Variants in SULF1 observed in about 807,000 individuals in gnomAD.
The protein encoded by SULF1 is extracellular sulfatase Sulf-1.
SULF1 carries 46 observed loss-of-function variants against 110.5 expected under a neutral mutation model. That is an observed-to-expected ratio of 0.42 (90% CI 0.33 to 0.53). The LOEUF (loss-of-function observed/expected upper bound fraction) is 0.53, where lower values mean the gene tolerates loss of function less well. Ranked by LOEUF, SULF1 falls within the 20% of genes least tolerant of loss-of-function variation. SULF1 has a pLI of 0.12. For missense variants in SULF1, 941 were observed against 1,094.2 expected (o/e 0.86, Z 1.98); for synonymous variants, 371 against 387.1 (o/e 0.96, Z 0.49).
intron 22 of SULF1, chr8:69,641,139 C>A: frequency 3.4e-6 from 1 of 297,710 alleles, no homozygotes; most frequent in Non-Finnish European, 6.2e-6. Flanking sequence ...AACAGAATGG[C>A]CTTTGGGAGC....
chr8:69,538,302 C>T (rs1220367127), intron 3 of SULF1, among the ~76,000 whole-genome samples: 3 of 117,902 alleles, frequency 2.5e-5, no homozygotes, highest in East Asian at 2.9e-4. Flanking sequence ...CCATTAAGCT[C>T]TTGCTCAGAC....
In SULF1 at chr8:69,659,030, G is replaced by A. The variant is rs1359755945; in HGVS notation, c.*495G>A. On this transcript the variant is annotated 3_prime_UTR_variant, in exon 23 of 23. Transcript: ENST00000402687. ...CTGGAAACCGATTTCAGTGGCGATG[G>A]CATGACAGAGCTAGAGCTCGGGCCC... 3 of 457,192 alleles carry A rather than the reference G, an allele frequency of 6.6e-6. No homozygotes were observed. The highest frequency in any genetic ancestry group is 3.1e-5 in the South Asian group (2 of 64,574). 28.3% of individuals were successfully genotyped at this position (457,192 alleles called of 1,614,324 possible).
At chr8:69,601,582 C>T (rs575000408) in intron 9 of SULF1, 72 bp from the exon 10 acceptor site, 28 of 1,285,478 alleles carry the variant, frequency 2.2e-5, no homozygotes, top group South Asian at 3.7e-5. Flanking sequence ...TGGGGGCAAT[C>T]GTGGCAACAC....
intron 2 of SULF1, 106 bp from the exon 3 acceptor site, chr8:69,501,768 T>G (rs1810814459): frequency 6.6e-6 from 1 of 152,158 alleles, no homozygotes; most frequent in African/African-American, 2.4e-5. Context: ...AGAATATTGT[T>G]CCTAATGATC....
At chr8:69,481,695 T>G (rs573125302) in intron 1 of SULF1, among the ~76,000 whole-genome samples, 45 of 152,292 alleles carry the variant, frequency 3.0e-4, no homozygotes, top group Admixed American at 2.2e-3. Context: ...CAGCTCCCAC[T>G]TATAAGTGAG....
intron 3 of SULF1, among the ~76,000 whole-genome samples, chr8:69,533,351 G>A (rs1331205950): frequency 6.6e-6 from 1 of 152,138 alleles, no homozygotes; most frequent in Non-Finnish European, 1.5e-5. Context: ...CAATAACTTA[G>A]GTATTAAGCC....
intron 3 of SULF1, among the ~76,000 whole-genome samples, chr8:69,514,522 A>G (rs1338922749): frequency 6.6e-6 from 1 of 152,236 alleles, no homozygotes; most frequent in Non-Finnish European, 1.5e-5. Flanking sequence ...AAGCCACATC[A>G]TTCTTCCTCT....
rs192203688 is a variant in SULF1, at chr8:69,583,437, G to A, written c.413-2920G>A. ...AAAAAAAAAAAAATTAGCCAGGTGT[G>A]GTGGCGTGTGCCTGTAGTCCCAGCT... On this transcript the variant is annotated intron_variant, in intron 6 of 22. Coordinates refer to ENST00000402687, the MANE Select transcript of SULF1 (RefSeq NM_001128205.2). 5.1e-3 allele frequency among the ~76,000 whole-genome samples: 779 copies of A among 151,774 alleles called. 10 individuals carry two copies. Among genetic ancestry groups the A allele is most frequent in the Non-Finnish European group, 4.7e-3 (319 of 67,912 alleles).
intron 3 of SULF1, among the ~76,000 whole-genome samples, chr8:69,504,301 C>T (rs907678595): frequency 5.9e-5 from 9 of 151,908 alleles, no homozygotes; most frequent in Non-Finnish European, 1.3e-4. Flanking sequence ...TTTGGGAGGC[C>T]GAGGTGGGTG....
intron 22 of SULF1, among the ~76,000 whole-genome samples, chr8:69,641,415 G>A (rs969354246): frequency 6.6e-6 from 1 of 152,150 alleles, no homozygotes; most frequent in African/African-American, 2.4e-5. Context: ...ATAACGAGAA[G>A]GTGCTGGGAG....
intron 3 of SULF1, among the ~76,000 whole-genome samples, chr8:69,542,394 AG>A (rs1472752243): frequency 6.6e-6 from 1 of 151,384 alleles, no homozygotes; most frequent in Non-Finnish European, 1.5e-5. Context: ...CTTTGCATCA[AG>A]TGCAATGTGT....
chr8:69,581,497 C>G (rs918178509), intron 6 of SULF1, among the ~76,000 whole-genome samples: 3 of 152,172 alleles, frequency 2.0e-5, no homozygotes, highest in Admixed American at 2.0e-4. Context: ...CCCCCACCAC[C>G]TTCTTAAACA....
intron 1 of SULF1, among the ~76,000 whole-genome samples, chr8:69,495,354 AC>A (rs1274051767): frequency 6.6e-6 from 1 of 152,072 alleles, no homozygotes; most frequent in African/African-American, 2.4e-5. Context: ...GTGAATAGAT[AC>A]TGCACTCCAG....
chr8:69,616,828 C>T (rs1785021722), intron 13 of SULF1, among the ~76,000 whole-genome samples: 1 of 150,342 alleles, frequency 6.7e-6, no homozygotes, highest in African/African-American at 2.4e-5. Flanking sequence ...GCTGGGATTA[C>T]AGGCGTGAGC....
chr8:69,593,392 A>C (rs915786344), intron 8 of SULF1, among the ~76,000 whole-genome samples: 5 of 152,246 alleles, frequency 3.3e-5, no homozygotes, highest in African/African-American at 1.2e-4. Context: ...ACTGAGCAAG[A>C]AACCATAGGT....
chr8:69,659,352 T>C lies in SULF1; in HGVS notation c.*817T>C, dbSNP rs1812965536. On this transcript the variant is annotated 3_prime_UTR_variant, in exon 23 of 23. Transcript: ENST00000402687. ...AACTGTTACCTTACCCTAAACACAG[T>C]ATTTCTTTTTAACTTTTTTATTTGT... 1 of 360,238 alleles carries C rather than the reference T, an allele frequency of 2.8e-6. No individual in the cohort carries two copies. Among genetic ancestry groups the C allele is most frequent in the African/African-American group, 2.1e-5 (1 of 46,796 alleles). The allele number at this position is 360,238 out of a possible 1,614,324, so 22.3% of individuals were successfully genotyped here.
At chr8:69,631,129 C>T (rs12548666) in intron 19 of SULF1, among the ~76,000 whole-genome samples, 53,643 of 151,848 alleles carry the variant, frequency 0.35, 9,860 homozygotes, top group East Asian at 0.51. Flanking sequence ...TGGGAGGGAG[C>T]GTGTTCCAGG....
intron 19 of SULF1, among the ~76,000 whole-genome samples, chr8:69,632,504 A>T (rs186346552): frequency 6.6e-5 from 10 of 152,262 alleles, no homozygotes; most frequent in Admixed American, 3.3e-4. Flanking sequence ...TTATTGCTGT[A>T]TTCCTCATAT....
rs111594207 is a variant in SULF1 at position 69,561,108 on chromosome 8, A to C, written c.-133-2431A>C. ...TTAATTGTATGTTTCAAAAATGCTA[A>C]CAGAATAGATTCTTAAATGTTATCA... On this transcript the variant is annotated intron_variant, in intron 3 of 22. Transcript: ENST00000402687. 7.4e-3 allele frequency among the ~76,000 whole-genome samples: 1,120 copies of C among 152,322 alleles called. 12 individuals are homozygous for C. The highest frequency in any genetic ancestry group is 0.025 in the African/African-American group (1,039 of 41,572).
Sources: gnomAD v4.1 joint callset for allele counts (sites outside exome capture counted in the v4.1 genomes callset) on GRCh38, gnomAD v4.1.1 for gene constraint, MANE v1.5 for transcripts, NCBI Gene and HGNC (gene_info 2026-07-23, HGNC 2026-07-21) for gene names.